The following SEPTIN9 variants were observed in gnomAD, a reference collection of about 807,000 sequenced individuals.
SEPTIN9 encodes the protein septin 9.
Under a neutral mutation model 56.6 loss-of-function variants are expected in SEPTIN9, and 13 were observed. The observed-to-expected ratio is 0.23, with a 90% CI of 0.15 to 0.37. The LOEUF (loss-of-function observed/expected upper bound fraction) is 0.37. Among genes scored for constraint, SEPTIN9 ranks in the 10% least tolerant of loss-of-function variants. The probability of loss-of-function intolerance (pLI) is 1.00; values close to 1 mark genes in which losing one functional copy is unlikely to be tolerated. For missense variants in SEPTIN9, 650 were observed against 823.1 expected (o/e 0.79, Z 2.57); for synonymous variants, 332 against 334.1 (o/e 0.99, Z 0.07).
At chr17:77,387,296 C>T (rs553648549) in intron 2 of SEPTIN9, among the ~76,000 whole-genome samples, 4 of 152,344 alleles carry the variant, frequency 2.6e-5, no homozygotes, top group East Asian at 3.9e-4. Context: ...CTCCCTGCTC[C>T]GTCTTCACAT....
chr17:77,359,010 T>A (rs2034337392), intron 2 of SEPTIN9, among the ~76,000 whole-genome samples: 1 of 152,136 alleles, frequency 6.6e-6, no homozygotes, highest in South Asian at 2.1e-4. Flanking sequence ...TGAGCTGAGA[T>A]GGTTCCAGCT....
chr17:77,364,641 G>T (rs1167284121), intron 2 of SEPTIN9, among the ~76,000 whole-genome samples: 1 of 152,230 alleles, frequency 6.6e-6, no homozygotes, highest in Non-Finnish European at 1.5e-5. Context: ...CCAGCCCACA[G>T]TTCTACCCCT....
At chr17:77,486,665 GTGTA>G (rs1398033730) in intron 4 of SEPTIN9, among the ~76,000 whole-genome samples, 1 of 152,004 alleles carries the variant, frequency 6.6e-6, no homozygotes, top group Non-Finnish European at 1.5e-5. Context: ...TGTGAGGTGT[GTGTA>G]TGAGGTGTAT....
At chr17:77,493,356 CA>C in intron 10 of SEPTIN9, 1 of 472,530 alleles carries the variant, frequency 2.1e-6, no homozygotes. Flanking sequence ...GATCCTGGTG[CA>C]GGCTCTTTCA....
In SEPTIN9 at chr17:77,476,095, C is replaced by T. The variant is rs527702165; in HGVS notation, c.722-6049C>T. On this transcript the variant is annotated intron_variant, in intron 3 of 11. Coordinates refer to ENST00000427177, the MANE Select transcript of SEPTIN9 (RefSeq NM_001113491.2). The surrounding 1 kb of genome is among the most constrained non-coding windows in gnomAD (Gnocchi z 6.0). ...GGGTCCCTTGCCCCAGCGGCACCAT[C>T]TCTGCATTTGGCCAGCAAGGCTGAT... is the stretch of plus-strand genomic sequence containing the variant. Among the ~76,000 whole-genome samples the T allele has an allele frequency of 6.6e-6, 1 of 152,264 alleles. No homozygotes were observed. Among genetic ancestry groups the T allele is most frequent in the Admixed American group, 6.5e-5 (1 of 15,302 alleles).
In SEPTIN9 at chr17:77,400,749, T is replaced by TG. The variant is rs1193050614; in HGVS notation, c.77-1307dup. 1 of 152,310 alleles carries TG rather than the reference T, an allele frequency of 6.6e-6. No homozygotes were observed. The highest frequency in any genetic ancestry group is 2.4e-5 in the African/African-American group (1 of 41,356). The allele number at this position is 152,310 out of a possible 1,614,324, so 9.4% of individuals were successfully genotyped here. On this transcript the variant is annotated intron_variant, in intron 2 of 11. Coordinates refer to ENST00000427177, the MANE Select transcript of SEPTIN9 (RefSeq NM_001113491.2). This position sits in a 1 kb window ranked among gnomAD's most constrained non-coding sequence, Gnocchi z 4.1. The stretch of plus-strand genomic sequence containing the variant: ...GCAGGGAGCGGCTGGGGAGACACTG[T>TG]GGGTCTCCACAGGGGTGCGCTGTGG...
At chr17:77,334,602 A>T (rs961428307) in intron 2 of SEPTIN9, among the ~76,000 whole-genome samples, 5 of 151,986 alleles carry the variant, frequency 3.3e-5, no homozygotes, top group Non-Finnish European at 5.9e-5. Flanking sequence ...CAATTTATCA[A>T]CTTTTTCCAG....
intron 2 of SEPTIN9, among the ~76,000 whole-genome samples, chr17:77,315,253 T>C (rs1227641518): frequency 1.3e-5 from 2 of 151,074 alleles, no homozygotes; most frequent in Non-Finnish European, 2.9e-5. Flanking sequence ...AAGCAGTTCC[T>C]AGGCCAAGCC....
At chr17:77,483,582 A>G in intron 4 of SEPTIN9, 1 of 152,352 alleles carries the variant, frequency 6.6e-6, no homozygotes, top group Non-Finnish European at 1.5e-5. Context: ...TGGGCTACGG[A>G]GGGGCTGCCC....
chr17:77,380,820 A>G (rs1296318384), intron 2 of SEPTIN9, among the ~76,000 whole-genome samples: 3 of 152,106 alleles, frequency 2.0e-5, no homozygotes, highest in Non-Finnish European at 4.4e-5. Flanking sequence ...TCAGGTCTTG[A>G]GGGACAGCGG....
intron 2 of SEPTIN9, among the ~76,000 whole-genome samples, chr17:77,339,598 C>T (rs1259992313): frequency 2.6e-5 from 4 of 151,788 alleles, no homozygotes; most frequent in Admixed American, 2.6e-4. Flanking sequence ...TAACCTCTGC[C>T]TCCCGGGTTC....
At chr17:77,344,618 C>A (rs541754487) in intron 2 of SEPTIN9, among the ~76,000 whole-genome samples, 35 of 152,268 alleles carry the variant, frequency 2.3e-4, no homozygotes, top group African/African-American at 7.0e-4. Flanking sequence ...TGTCCACCAG[C>A]GGATGAATGA....
At chr17:77,374,683 G>A (rs2034855460) in intron 2 of SEPTIN9, 1 of 152,390 alleles carries the variant, frequency 6.6e-6, no homozygotes, top group African/African-American at 2.4e-5. Context: ...GCCAGAACCA[G>A]GGCTGACATC....
In SEPTIN9 at chr17:77,284,340, C is replaced by T. The variant is rs569964529; in HGVS notation, c.19+2786C>T. Among the ~76,000 whole-genome samples, 4 of 152,340 alleles carry T rather than the reference C, an allele frequency of 2.6e-5. No homozygotes were observed. The South Asian group carries it at 6.2e-4, about 24-fold the overall frequency. On this transcript the variant is annotated intron_variant, in intron 1 of 11. Coordinates refer to ENST00000427177, the MANE Select transcript of SEPTIN9 (RefSeq NM_001113491.2). ...TTCCAATGCGGAAGGCAGCAAGGGC[C>T]CACACAGGGCAGCTGCAGGATCCAG... is the stretch of plus-strand genomic sequence containing the variant.
chr17:77,357,806 C>G (rs1432892403), intron 2 of SEPTIN9, among the ~76,000 whole-genome samples: 4 of 152,148 alleles, frequency 2.6e-5, no homozygotes, highest in Non-Finnish European at 5.9e-5. Context: ...TCACCAACTC[C>G]TCACTCCTTG....
At chr17:77,294,971 A>G (rs186645949) in intron 1 of SEPTIN9, 9 of 152,284 alleles carry the variant, frequency 5.9e-5, no homozygotes, top group African/African-American at 1.9e-4. Context: ...TGAACTATAC[A>G]TGGAAATAAA....
chr17:77,408,446 G>GCCCC (rs113895227), intron 3 of SEPTIN9, among the ~76,000 whole-genome samples: 2 of 152,036 alleles, frequency 1.3e-5, no homozygotes, highest in African/African-American at 2.4e-5. Context: ...AGGGGGTCAG[G>GCCCC]CCCCCCCGAG....
In SEPTIN9 at chr17:77,492,596, C is replaced by T; in HGVS notation, c.1381-25C>T. The stretch of plus-strand genomic sequence containing the variant: ...GGTAGAGCTTGCCACAGGGATGGGC[C>T]CATCTCTCTCCCTCCTTATCCCAGA... On this transcript the variant is annotated intron_variant, in intron 8 of 11. Transcript: ENST00000427177. This position sits in a 1 kb window ranked among gnomAD's most constrained non-coding sequence, Gnocchi z 5.4. The T allele has an allele frequency of 6.2e-7, 1 of 1,604,540 alleles. No homozygotes were observed. Among genetic ancestry groups the T allele is most frequent in the Non-Finnish European group, 8.5e-7 (1 of 1,171,486 alleles).
intron 10 of SEPTIN9, among the ~76,000 whole-genome samples, chr17:77,494,682 C>T (rs979685345): frequency 2.6e-5 from 4 of 151,926 alleles, no homozygotes; most frequent in African/African-American, 7.3e-5. Flanking sequence ...TCCCCGCACC[C>T]ACCCTCCTTG....
Sources: gnomAD v4.1 joint callset for allele counts (sites outside exome capture counted in the v4.1 genomes callset) on GRCh38, gnomAD v4.1.1 for gene constraint, Gnocchi (gnomAD v3.1) non-coding constraint, MANE v1.5 for transcripts, NCBI Gene and HGNC (gene_info 2026-07-23, HGNC 2026-07-21) for gene names.